Variants in CCDC178 observed in about 807,000 individuals in gnomAD.
CCDC178 encodes coiled-coil domain containing 178.
Under a neutral mutation model 117.4 loss-of-function variants are expected in CCDC178, and 126 were observed. The ratio of observed to expected loss-of-function variants is 1.07; its 90% CI spans 0.93 to 1.24. The LOEUF (loss-of-function observed/expected upper bound fraction) is 1.24, where lower values mean the gene tolerates loss of function less well. CCDC178 is among the 50% of genes most tolerant of loss of function. CCDC178 has a pLI of 0.00. For synonymous variants in CCDC178, 283 were observed against 313.4 expected, an observed-to-expected ratio of 0.90 and a Z score of 1.02; for missense variants, 1,030 against 986.9, an observed-to-expected ratio of 1.04 and a Z score of -0.59.
chr18:33,392,811 A>G (rs1050746965), intron 4 of CCDC178, among the ~76,000 whole-genome samples: 1 of 152,164 alleles, frequency 6.6e-6, no homozygotes, highest in Admixed American at 6.5e-5. Flanking sequence ...GCAGTGAGCC[A>G]TGACTCCAAC....
chr18:32,982,736 A>G (rs1049758781), intron 21 of CCDC178, among the ~76,000 whole-genome samples: 2 of 152,180 alleles, frequency 1.3e-5, no homozygotes, highest in African/African-American at 4.8e-5. Flanking sequence ...GCTGCAATAA[A>G]CAATCTTTAT....
intron 9 of CCDC178, among the ~76,000 whole-genome samples, chr18:33,344,678 C>A (rs1262503816): frequency 2.0e-5 from 3 of 151,866 alleles, no homozygotes; most frequent in Non-Finnish European, 4.4e-5. Context: ...GAAGAACCTC[C>A]CAAACAATTA....
chr18:33,292,936 G>T (rs1169644624), intron 12 of CCDC178, among the ~76,000 whole-genome samples: 3 of 152,100 alleles, frequency 2.0e-5, no homozygotes, highest in African/African-American at 4.8e-5. Flanking sequence ...GCCATGCTGT[G>T]CCCAGACTTC....
intron 9 of CCDC178, among the ~76,000 whole-genome samples, chr18:33,338,662 C>A (rs898853811): frequency 6.6e-6 from 1 of 151,990 alleles, no homozygotes; most frequent in African/African-American, 2.4e-5. Flanking sequence ...AACCAAATAT[C>A]GTATGTTCTC....
chr18:33,038,861 T>C (rs1423088701), intron 21 of CCDC178, among the ~76,000 whole-genome samples: 1 of 151,912 alleles, frequency 6.6e-6, no homozygotes, highest in East Asian at 1.9e-4. Flanking sequence ...ACTCCCTTAA[T>C]CCTCAACATA....
At chr18:33,358,298 A>G (rs1023842194) in intron 6 of CCDC178, among the ~76,000 whole-genome samples, 1 of 151,956 alleles carries the variant, frequency 6.6e-6, no homozygotes, top group Non-Finnish European at 1.5e-5. Flanking sequence ...ATAATATGAC[A>G]AGCTTATTCT....
At chr18:33,432,475 C>CCA (rs1475290450) in intron 2 of CCDC178, among the ~76,000 whole-genome samples, 59 of 101,684 alleles carry the variant, frequency 5.8e-4, no homozygotes, top group African/African-American at 2.0e-3. Context: ...CATGCCTTCT[C>CCA]CATACACACA....
Position 33,135,303 on chromosome 18 carries a change from T to C in CCDC178, c.2239-42393A>G, listed in dbSNP as rs373357665. On this transcript the variant is annotated intron_variant, in intron 20 of 22. Coordinates refer to ENST00000383096, the MANE Select transcript of CCDC178 (RefSeq NM_001105528.4). ...AAAAATATAATGGTCAAAGTTTTGGTAAATAAATATGCAAAGCTTAGTAAG... is the reference window on the plus strand; with the variant it reads ...AAAAATATAATGGTCAAAGTTTTGGCAAATAAATATGCAAAGCTTAGTAAG... Among the ~76,000 whole-genome samples the C allele has an allele frequency of 3.2e-4, 48 of 152,224 alleles. 1 individual carries two copies. The South Asian group carries it at 9.5e-3, about 30-fold the overall frequency.
At chr18:33,234,930 C>A (rs2059410417) in intron 15 of CCDC178, among the ~76,000 whole-genome samples, 1 of 152,066 alleles carries the variant, frequency 6.6e-6, no homozygotes, top group Admixed American at 6.6e-5. Flanking sequence ...ATCTGGAATT[C>A]TTATAGAAGT....
At chr18:32,975,324 A>T (rs1416867860) in intron 21 of CCDC178, among the ~76,000 whole-genome samples, 1 of 152,202 alleles carries the variant, frequency 6.6e-6, no homozygotes, top group East Asian at 1.9e-4. Flanking sequence ...ACTAAAGCAT[A>T]GTGGATGCGG....
intron 12 of CCDC178, among the ~76,000 whole-genome samples, chr18:33,269,152 A>G (rs935483170): frequency 6.6e-6 from 1 of 151,924 alleles, no homozygotes; most frequent in East Asian, 1.9e-4. Flanking sequence ...AGAGTTTACC[A>G]GCACAAAAAC....
chr18:33,303,707 TAAAAG>T (rs912011426), intron 11 of CCDC178, among the ~76,000 whole-genome samples: 1 of 151,668 alleles, frequency 6.6e-6, no homozygotes, highest in African/African-American at 2.4e-5. Context: ...GAAAAAAATC[TAAAAG>T]AAGATAGTTT....
At chr18:33,325,152 G>T (rs566579082) in intron 10 of CCDC178, among the ~76,000 whole-genome samples, 1 of 151,798 alleles carries the variant, frequency 6.6e-6, no homozygotes, top group East Asian at 1.9e-4. Context: ...TACAGTTTTA[G>T]CATTTTAATG....
Position 33,333,052 on chromosome 18 carries a change from G to C in CCDC178, c.879+122C>G, listed in dbSNP as rs1004061059. ...ACAGTTGGTAATGTGTAGAGATAAA[G>C]AGCAGGTCAATTTTAAGAAAAAAAA... On this transcript the variant is annotated intron_variant, in intron 10 of 22. Transcript: ENST00000383096. 28 of 561,976 alleles carry C rather than the reference G, an allele frequency of 5.0e-5. No individual in the cohort carries two copies. The Admixed American group carries it at 9.2e-4, about 19-fold the overall frequency. 34.8% of individuals were successfully genotyped at this position (561,976 alleles called of 1,614,324 possible).
chr18:32,970,720 T>C (rs1161555167), intron 22 of CCDC178, among the ~76,000 whole-genome samples: 1 of 152,032 alleles, frequency 6.6e-6, no homozygotes, highest in African/African-American at 2.4e-5. Flanking sequence ...CTAGTAGCCT[T>C]GCTACAATAC....
chr18:33,175,482 A>G (rs1376080580), intron 20 of CCDC178, among the ~76,000 whole-genome samples: 1 of 152,078 alleles, frequency 6.6e-6, no homozygotes, highest in Non-Finnish European at 1.5e-5. Flanking sequence ...TTGGGACTAC[A>G]GGTGTCCCCC....
intron 21 of CCDC178, among the ~76,000 whole-genome samples, chr18:32,994,129 T>C (rs2055453043): frequency 6.6e-6 from 1 of 152,056 alleles, no homozygotes; most frequent in South Asian, 2.1e-4. Flanking sequence ...AGCCTCAGAG[T>C]TACCCATGAA....
At chr18:33,074,401 A>C (rs2057167864) in intron 21 of CCDC178, among the ~76,000 whole-genome samples, 1 of 152,114 alleles carries the variant, frequency 6.6e-6, no homozygotes, top group Non-Finnish European at 1.5e-5. Context: ...GATTAATTGC[A>C]CCTGTTTATA....
At chr18:33,274,001 T>C (rs1235214571) in intron 12 of CCDC178, among the ~76,000 whole-genome samples, 2 of 151,706 alleles carry the variant, frequency 1.3e-5, no homozygotes, top group African/African-American at 4.8e-5. Context: ...ATCTGATGAG[T>C]GTCTAATATC....
Sources: allele counts gnomAD v4.1 joint callset (sites outside exome capture counted in the v4.1 genomes callset), GRCh38; gene constraint gnomAD v4.1.1; transcripts MANE v1.5; gene names NCBI Gene and HGNC (gene_info 2026-07-23, HGNC 2026-07-21).